Variants in CA8 observed in about 807,000 individuals in gnomAD.
CA8 encodes the protein carbonic anhydrase 8 (inactive).
CA8 carries 22 observed loss-of-function variants against 41.4 expected under a neutral mutation model. The ratio of observed to expected loss-of-function variants is 0.53; its 90% CI spans 0.38 to 0.76. The LOEUF (loss-of-function observed/expected upper bound fraction) is 0.76. CA8 is among the 30% of genes least tolerant of loss of function. CA8 has a pLI of 0.00. For synonymous variants in CA8, 121 were observed against 130.6 expected, an observed-to-expected ratio of 0.93 and a Z score of 0.50; for missense variants, 270 against 352.8, an observed-to-expected ratio of 0.77 and a Z score of 1.88.
chr8:60,246,540 C>T (rs1808243577), intron 3 of CA8, among the ~76,000 whole-genome samples: 1 of 152,114 alleles, frequency 6.6e-6, no homozygotes, highest in South Asian at 2.1e-4. Context: ...TCAAGTGATC[C>T]ACCTGCTTTG....
chr8:60,269,761 G>A (rs539561677), intron 2 of CA8, among the ~76,000 whole-genome samples: 17 of 152,160 alleles, frequency 1.1e-4, no homozygotes, highest in East Asian at 1.9e-4. Context: ...TGTATAAAGC[G>A]AGGAAGATCC....
chr8:60,224,530 T>C lies in CA8; in HGVS notation c.625+7A>G, dbSNP rs762607824. Reference sequence around the variant, plus strand: ...AATTCATTTTATGCAATCAGGTAAATACTCACCTGGTAATAAAGTGTTAGG... The same window carrying C: ...AATTCATTTTATGCAATCAGGTAAACACTCACCTGGTAATAAAGTGTTAGG... On this transcript the variant is annotated splice_region_variant and intron_variant, in intron 6 of 8. Coordinates refer to ENST00000317995, the MANE Select transcript of CA8 (RefSeq NM_004056.6). The C allele has an allele frequency of 6.5e-7, 1 of 1,549,914 alleles. No homozygotes were observed. Among genetic ancestry groups the C allele is most frequent in the Non-Finnish European group, 8.9e-7 (1 of 1,122,534 alleles).
At chr8:60,265,587 G>T in intron 3 of CA8, 1 of 298,990 alleles carries the variant, frequency 3.3e-6, no homozygotes. Context: ...ACGGTTGCTT[G>T]TCTTCAGCTC....
chr8:60,225,595 T>A (rs1246245778), intron 5 of CA8, among the ~76,000 whole-genome samples: 1 of 152,190 alleles, frequency 6.6e-6, no homozygotes, highest in Non-Finnish European at 1.5e-5. Context: ...AGATCTTCAG[T>A]GGAGGTTCTG....
intron 6 of CA8, among the ~76,000 whole-genome samples, chr8:60,223,703 C>T (rs897652117): frequency 6.6e-6 from 1 of 152,160 alleles, no homozygotes; most frequent in African/African-American, 2.4e-5. Context: ...TCCTTTAGCT[C>T]TGCATTAGAG....
intron 6 of CA8, among the ~76,000 whole-genome samples, chr8:60,223,317 T>A (rs1807313384): frequency 6.6e-6 from 1 of 151,970 alleles, no homozygotes; most frequent in Non-Finnish European, 1.5e-5. Context: ...AGAGACAGGG[T>A]CTGGCTCTAT....
At chr8:60,268,884 A>G (rs1239778191) in intron 2 of CA8, among the ~76,000 whole-genome samples, 1 of 152,182 alleles carries the variant, frequency 6.6e-6, no homozygotes, top group Non-Finnish European at 1.5e-5. Context: ...TAAAGTAATT[A>G]TATTCTATGG....
intron 3 of CA8, among the ~76,000 whole-genome samples, chr8:60,251,601 C>T (rs1808450982): frequency 6.6e-6 from 1 of 152,198 alleles, no homozygotes; most frequent in Non-Finnish European, 1.5e-5. Flanking sequence ...TACATGCTCA[C>T]TGAATATTAT....
chr8:60,248,334 T>C lies in CA8; in HGVS notation c.418-15955A>G, dbSNP rs146673839. On this transcript the variant is annotated intron_variant, in intron 3 of 8. Coordinates refer to ENST00000317995, the MANE Select transcript of CA8 (RefSeq NM_004056.6). ...GTCACGAAATCTTTGCCCATGCCTA[T>C]GTCCTGAATGGTACTGCCTTGGTTT... 8.1e-3 allele frequency among the ~76,000 whole-genome samples: 1,235 copies of C among 152,380 alleles called. 16 individuals carry two copies. The highest frequency in any genetic ancestry group is 0.028 in the African/African-American group (1,161 of 41,594).
rs151114593 is a variant in CA8, at chr8:60,227,087, C to T, written c.514-152G>A. 7.6e-4 allele frequency: 529 copies of T among 694,950 alleles called. 8 individuals are homozygous for T. In the East Asian group the frequency reaches 0.014, roughly 18 times the overall value. 43.0% of individuals were successfully genotyped at this position (694,950 alleles called of 1,614,324 possible). A position where few individuals can be genotyped will look rare whatever the true frequency, so the allele number is the denominator to read the frequency against. On this transcript the variant is annotated intron_variant, in intron 4 of 8. Coordinates refer to ENST00000317995, the MANE Select transcript of CA8 (RefSeq NM_004056.6). ...TGGGTGGATCACAAGGTTAGGAGAT[C>T]GAGGCCATCCTGGCTACCACAGTGA...
intron 1 of CA8, 117 bp from the exon 2 acceptor site, chr8:60,279,997 T>C: frequency 1.4e-6 from 1 of 738,346 alleles, no homozygotes; most frequent in Non-Finnish European, 2.2e-6. Flanking sequence ...AATGATACCA[T>C]CACTATACAG....
At chr8:60,199,353 C>G (rs1806361494) in intron 8 of CA8, among the ~76,000 whole-genome samples, 1 of 151,960 alleles carries the variant, frequency 6.6e-6, no homozygotes, top group Admixed American at 6.6e-5. Context: ...CCTCTTCAGG[C>G]AAAAACTAGA....
intron 3 of CA8, among the ~76,000 whole-genome samples, chr8:60,236,691 C>T (rs1807841241): frequency 6.6e-6 from 1 of 152,184 alleles, no homozygotes; most frequent in African/African-American, 2.4e-5. Flanking sequence ...AAAACTTCTA[C>T]TTATATTTAT....
At chr8:60,226,829 C>T (rs1585875220) in intron 5 of CA8, 44 bp downstream of exon 5, 2 of 1,180,510 alleles carry the variant, frequency 1.7e-6, no homozygotes, top group East Asian at 4.8e-5. Flanking sequence ...ACAGGGAGCT[C>T]CTACACAACC....
In CA8 at chr8:60,215,868, C is replaced by T. The variant is rs574546965; in HGVS notation, c.738+6781G>A. On this transcript the variant is annotated intron_variant, in intron 7 of 8. Transcript: ENST00000317995. ...AATAGGAAACCATTATGATTTAGAA[C>T]TTCAATGTTGCTAGTGCCAATACTA... Among the ~76,000 whole-genome samples, 36 of 152,288 alleles carry T rather than the reference C, an allele frequency of 2.4e-4. No individual in the cohort carries two copies. The South Asian group carries it at 6.8e-3, about 29-fold the overall frequency.
chr8:60,239,801 T>A (rs1191573320), intron 3 of CA8, among the ~76,000 whole-genome samples: 4 of 152,196 alleles, frequency 2.6e-5, no homozygotes. Context: ...AGTGAATAAA[T>A]CTCACGAGAT....
chr8:60,192,759 T>C (rs1347559751), intron 8 of CA8, among the ~76,000 whole-genome samples: 1 of 152,272 alleles, frequency 6.6e-6, no homozygotes, highest in East Asian at 1.9e-4. Context: ...AAACTATCAG[T>C]CCCTTGTCCT....
intron 7 of CA8, among the ~76,000 whole-genome samples, chr8:60,217,602 T>C (rs1807065488): frequency 6.6e-6 from 1 of 152,226 alleles, no homozygotes. Flanking sequence ...ACCATACCCC[T>C]TTCTTGGATG....
At chr8:60,243,891 G>A (rs1029157757) in intron 3 of CA8, among the ~76,000 whole-genome samples, 14 of 152,120 alleles carry the variant, frequency 9.2e-5, no homozygotes, top group Non-Finnish European at 1.6e-4. Flanking sequence ...CTTGATGGCT[G>A]TTCTTATCTA....
Sources: gnomAD v4.1 joint callset for allele counts (sites outside exome capture counted in the v4.1 genomes callset) on GRCh38, gnomAD v4.1.1 for gene constraint, MANE v1.5 for transcripts, NCBI Gene and HGNC (gene_info 2026-07-23, HGNC 2026-07-21) for gene names.